Variants in PLCH1 observed in about 807,000 individuals in gnomAD.
PLCH1 encodes phospholipase C eta 1.
A neutral mutation model predicts 126.7 loss-of-function variants in PLCH1; 60 were observed. The observed-to-expected ratio is 0.47, with a 90% confidence interval of 0.38 to 0.59. The LOEUF is 0.59. Among genes scored for constraint, PLCH1 ranks in the 20% least tolerant of loss-of-function variants. PLCH1 has a pLI of 0.00. For missense variants in PLCH1, 1,723 were observed against 2,040.0 expected (o/e 0.84, Z 2.99); for synonymous variants, 719 against 734.9 (o/e 0.98, Z 0.35).
Position 155,568,214 on chromosome 3 carries a change from A to T in PLCH1, c.865+17T>A. 2 of 1,071,892 alleles carry T rather than the reference A, an allele frequency of 1.9e-6. No individual in the cohort carries two copies. Among genetic ancestry groups the T allele is most frequent in the Non-Finnish European group, 2.9e-6 (2 of 699,496 alleles). The allele number at this position is 1,071,892 out of a possible 1,614,324, so 66.4% of individuals were successfully genotyped here. A position where few individuals can be genotyped will look rare whatever the true frequency, so the allele number is the denominator to read the frequency against. ...CTGAATCAAGAAATGAGAAATAAAG[A>T]ATATTGGTTATTTTACCTTCTATGC... is the stretch of plus-strand genomic sequence containing the variant. On this transcript the variant is annotated intron_variant, in intron 7 of 22. Coordinates refer to ENST00000460012, the MANE Select transcript of PLCH1 (RefSeq NM_014996.4).
At chr3:155,486,002 G>T in intron 21 of PLCH1, 1 of 629,822 alleles carries the variant, frequency 1.6e-6, no homozygotes, top group Non-Finnish European at 2.8e-6. Context: ...CTCATAGACT[G>T]CTATGAACTT....
intron 2 of PLCH1, among the ~76,000 whole-genome samples, chr3:155,675,359 T>G (rs1743986745): frequency 6.6e-6 from 1 of 152,196 alleles, no homozygotes; most frequent in South Asian, 2.1e-4. Flanking sequence ...AAGAACAATC[T>G]CCATAGATTT....
chr3:155,461,030 C>G (rs1712704649), intron 21 of PLCH1, among the ~76,000 whole-genome samples: 1 of 152,168 alleles, frequency 6.6e-6, no homozygotes, highest in Non-Finnish European at 1.5e-5. Flanking sequence ...AAAAGCAGCT[C>G]ACCTTTACAT....
chr3:155,741,689 T>TTTTTTTTTTATTTTTTTTTTA (rs1559977193), intron 1 of PLCH1, among the ~76,000 whole-genome samples: 2 of 117,348 alleles, frequency 1.7e-5, no homozygotes, highest in Non-Finnish European at 3.5e-5. Flanking sequence ...ATCCTCTTTT[T>TTTTTTTTTTATTTTTTTTTTA]TTTTTTTTTT....
intron 2 of PLCH1, among the ~76,000 whole-genome samples, chr3:155,700,286 T>TA (rs1746176123): frequency 6.6e-6 from 1 of 152,212 alleles, no homozygotes; most frequent in Non-Finnish European, 1.5e-5. Context: ...AGTAATCCTT[T>TA]AATTAATTAA....
intron 21 of PLCH1, among the ~76,000 whole-genome samples, chr3:155,472,425 G>A (rs1241532266): frequency 1.3e-5 from 2 of 152,092 alleles, no homozygotes; most frequent in Non-Finnish European, 2.9e-5. Context: ...CTCAAATTGT[G>A]GCAAAAATCA....
intron 6 of PLCH1, among the ~76,000 whole-genome samples, chr3:155,579,292 G>C (rs1008360687): frequency 6.6e-6 from 1 of 152,164 alleles, no homozygotes; most frequent in Admixed American, 6.5e-5. Flanking sequence ...GCGGATACTT[G>C]CCCACTAGGA....
At chr3:155,540,400 T>G (rs1724073593) in intron 10 of PLCH1, among the ~76,000 whole-genome samples, 2 of 152,110 alleles carry the variant, frequency 1.3e-5, no homozygotes, top group South Asian at 4.1e-4. Context: ...TGGGACTTAA[T>G]TAAACTAAAA....
In PLCH1 at chr3:155,565,043, T is replaced by C. The variant is rs1728140347; in HGVS notation, c.941A>G (p.Asp314Gly). The C allele has an allele frequency of 1.2e-6, 2 of 1,613,262 alleles. No individual in the cohort carries two copies. The highest frequency in any genetic ancestry group is 1.3e-5 in the African/African-American group (1 of 74,908). ...PLHHEVYQDM[D>G]QPLCNYYIAS... ...AATGTAGTAGTTGCAGAGGGGCTGA[T>C]CCATGTCTTGGTACACTTCATGGTG... is the stretch of plus-strand genomic sequence containing the variant. The change falls in exon 8 of 23, where the codon GAT (aspartate) becomes GGT (glycine). Residue 314 changes from aspartate (D) to glycine (G), a missense_variant. Asp to Gly is a moderately conservative substitution (Grantham distance 94). This residue lies in a region of PLCH1 where 776 missense variants were observed against 1,062.9 expected (regional missense o/e 0.73). Transcript: ENST00000460012.
chr3:155,473,292 G>C (rs1186340175), intron 21 of PLCH1, among the ~76,000 whole-genome samples: 1 of 151,594 alleles, frequency 6.6e-6, no homozygotes, highest in East Asian at 1.9e-4. Context: ...ATAACAGACA[G>C]AGAGCCAAAT....
rs1726508745 is a variant in PLCH1 at position 155,554,170 on chromosome 3, C to G, written c.1096G>C (p.Glu366Gln). ...GTGTAACCATGATGTACTACTGGCTCTCCATCTGGGCCATCCCAACAGTCA... is the reference window on the plus strand; with the variant it reads ...GTGTAACCATGATGTACTACTGGCTGTCCATCTGGGCCATCCCAACAGTCA... Reference protein sequence around the residue: ...EVDCWDGPDGEPVVHHGYTLT... With the variant: ...EVDCWDGPDGQPVVHHGYTLT... The change falls in exon 9 of 23, where the codon GAG (glutamate) becomes CAG (glutamine). Residue 366 changes from glutamate (E) to glutamine (Q), a missense_variant. Glu to Gln is a conservative substitution (Grantham distance 29). This residue lies in a region of PLCH1 where 776 missense variants were observed against 1,062.9 expected (regional missense o/e 0.73). Coordinates refer to ENST00000460012, the MANE Select transcript of PLCH1 (RefSeq NM_014996.4). 1.2e-6 allele frequency: 2 copies of G among 1,613,600 alleles called. No homozygotes were observed. The highest frequency in any genetic ancestry group is 1.7e-6 in the Non-Finnish European group (2 of 1,179,750).
chr3:155,612,143 T>A (rs964771176), intron 2 of PLCH1, among the ~76,000 whole-genome samples: 2 of 151,666 alleles, frequency 1.3e-5, no homozygotes. Context: ...GTGGTGAAAC[T>A]TCGTCTCTAC....
In PLCH1 at chr3:155,690,436, T is replaced by G. The variant is rs534698901; in HGVS notation, c.79+13710A>C. Among the ~76,000 whole-genome samples the G allele has an allele frequency of 1.6e-3, 247 of 152,344 alleles. 2 individuals carry two copies. In the Middle Eastern group the frequency reaches 0.02, roughly 13 times the overall value. On this transcript the variant is annotated intron_variant, in intron 2 of 22. Coordinates refer to ENST00000460012, the MANE Select transcript of PLCH1 (RefSeq NM_014996.4). ...TCATAAGTGTCCTGAAGCCTGGCTA[T>G]GGGTTTTGCTCAGAATCCCTTAATC...
chr3:155,511,749 C>T (rs1277635514), intron 12 of PLCH1, among the ~76,000 whole-genome samples: 1 of 146,516 alleles, frequency 6.8e-6, no homozygotes, highest in Non-Finnish European at 1.5e-5. Context: ...CCACTGCTCT[C>T]TTCAAAGCTG....
chr3:155,700,878 C>G (rs1746221962), intron 2 of PLCH1, among the ~76,000 whole-genome samples: 1 of 152,180 alleles, frequency 6.6e-6, no homozygotes, highest in South Asian at 2.1e-4. Context: ...CCGCACCAAA[C>G]ATTCTTTGCT....
intron 10 of PLCH1, among the ~76,000 whole-genome samples, chr3:155,547,570 G>A: frequency 6.6e-6 from 1 of 151,940 alleles, no homozygotes; most frequent in South Asian, 2.1e-4. Flanking sequence ...AAATCATGCT[G>A]CTATAAAGAC....
intron 2 of PLCH1, among the ~76,000 whole-genome samples, chr3:155,622,393 T>C (rs754405130): frequency 6.6e-6 from 1 of 152,140 alleles, no homozygotes; most frequent in African/African-American, 2.4e-5. Flanking sequence ...GATGACAGGA[T>C]CAAATTCACA....
At chr3:155,569,001 G>C (rs1269966584) in intron 6 of PLCH1, among the ~76,000 whole-genome samples, 2 of 152,154 alleles carry the variant, frequency 1.3e-5, no homozygotes, top group African/African-American at 4.8e-5. Context: ...TGATAGTGGA[G>C]TGATAAGGAT....
In PLCH1 at chr3:155,529,534, C is replaced by T. The variant is rs537800451; in HGVS notation, c.1363-5530G>A. The stretch of plus-strand genomic sequence containing the variant: ...GGTCTCCCAGTGAATATAAAAGTTA[C>T]AATTGTGCTATACTGTAGCCTATTA... On this transcript the variant is annotated intron_variant, in intron 10 of 22. Transcript: ENST00000460012. Among the ~76,000 whole-genome samples, 3 of 152,170 alleles carry T rather than the reference C, an allele frequency of 2.0e-5. No homozygotes were observed. In the East Asian group the frequency reaches 5.8e-4, roughly 29 times the overall value.
Sources: gnomAD v4.1 joint callset for allele counts (sites outside exome capture counted in the v4.1 genomes callset) on GRCh38, gnomAD v4.1.1 for gene constraint, gnomAD v4.1.1 regional missense constraint, MANE v1.5 for transcripts, NCBI Gene and HGNC (gene_info 2026-07-23, HGNC 2026-07-21) for gene names.